Variants in CTRB2 observed in about 807,000 individuals in gnomAD.
CTRB2 encodes the protein chymotrypsin B2.
Under a neutral mutation model 19.3 loss-of-function variants are expected in CTRB2, and 9 were observed. The observed-to-expected ratio is 0.47, with a 90% CI of 0.28 to 0.81. The LOEUF (loss-of-function observed/expected upper bound fraction) is 0.81, where lower values mean the gene tolerates loss of function less well. Among genes scored for constraint, CTRB2 ranks in the 40% least tolerant of loss-of-function variants. CTRB2 has a pLI of 0.11. For missense variants in CTRB2, 210 were observed against 269.7 expected, an observed-to-expected ratio of 0.78 and a Z score of 1.55; for synonymous variants, 98 against 117.3, an observed-to-expected ratio of 0.84 and a Z score of 1.06.
At chr16:75,204,709 G>A (rs1426019425) in intron 6 of CTRB2, 64 bp downstream of exon 6, 3 of 1,536,516 alleles carry the variant, frequency 2.0e-6, no homozygotes, top group Non-Finnish European at 2.6e-6. Context: ...AGAGAGGGGT[G>A]GAAAGCCCAG....
chr16:75,204,290 C>A lies in CTRB2; in HGVS notation c.663G>T (p.Lys221Asn), dbSNP rs978345244. ...TGCCCACCAGGGTCCAGGCTCCGTC[C>A]TTCTGGCAGACCAGGGGGCCTCCAG... ...GDSGGPLVCQKDGAWTLVGIV... is the reference protein window; with the variant it reads ...GDSGGPLVCQNDGAWTLVGIV... The change falls in exon 7 of 7, where the codon AAG (lysine) becomes AAT (asparagine). Residue 221 changes from lysine to asparagine, a missense_variant. Lys to Asn is a moderately conservative substitution (Grantham distance 94). Coordinates refer to ENST00000303037, the MANE Select transcript of CTRB2 (RefSeq NM_001025200.4). 2 of 1,613,998 alleles carry A rather than the reference C, an allele frequency of 1.2e-6. No homozygotes were observed. The highest frequency in any genetic ancestry group is 8.5e-7 in the Non-Finnish European group (1 of 1,180,024).
rs750306978 is a variant in CTRB2, at chr16:75,204,282, G to A, written c.671C>T (p.Ala224Val). ...GGPLVCQKDG[A>V]WTLVGIVSWG... ...GGACACAATGCCCACCAGGGTCCAG[G>A]CTCCGTCCTTCTGGCAGACCAGGGG... Residue 224 changes from alanine (A) to valine (V), a missense_variant, in exon 7 of 7, where the codon GCC becomes GTC. By Grantham distance (64) the Ala-to-Val change is moderately conservative. This residue lies in a region of CTRB2 where 120 missense variants were observed against 90.8 expected (regional missense o/e 1.32). Coordinates refer to ENST00000303037, the MANE Select transcript of CTRB2 (RefSeq NM_001025200.4). The A allele has an allele frequency of 1.9e-6, 3 of 1,614,078 alleles. No individual in the cohort carries two copies. Among genetic ancestry groups the A allele is most frequent in the Non-Finnish European group, 2.5e-6 (3 of 1,180,000 alleles).
chr16:75,206,493 C>G, intron 1 of CTRB2: 1 of 486,298 alleles, frequency 2.1e-6, no homozygotes, highest in Non-Finnish European at 3.6e-6. Flanking sequence ...TCTGGGAGGC[C>G]AGACTCTGTG....
rs760483646 is a variant in CTRB2 at position 75,204,314 on chromosome 16, A to G, written c.639T>C (p.Ser213=). The G allele has an allele frequency of 1.1e-5, 18 of 1,613,868 alleles. No homozygotes were observed. Among genetic ancestry groups the G allele is most frequent in the Non-Finnish European group, 1.2e-5 (14 of 1,179,994 alleles). The change falls in exon 7 of 7, where the codon TCT becomes TCC. Residue 213 remains serine, a synonymous_variant. Coordinates refer to ENST00000303037, the MANE Select transcript of CTRB2 (RefSeq NM_001025200.4). ...ASGVSSCMGD[S]GGPLVCQKDG... Reference sequence around the variant, plus strand: ...CCTTCTGGCAGACCAGGGGGCCTCCAGAGTCACCCTGCAGGAAGGAGAGGA... The same window carrying G: ...CCTTCTGGCAGACCAGGGGGCCTCCGGAGTCACCCTGCAGGAAGGAGAGGA...
rs1180098515 is a variant in CTRB2, at chr16:75,206,199, GGC to G, written c.53-8_53-7del. ...GATGGCGGGGACCCCGCAGCCTGGG[GGC>G]GGGAGTGGGCTGAGGGGTGGGTACC... On this transcript the variant is annotated splice_region_variant and splice_polypyrimidine_tract_variant and intron_variant, in intron 1 of 6. Transcript: ENST00000303037. The G allele has an allele frequency of 1.1e-5, 17 of 1,556,816 alleles. No individual in the cohort carries two copies. Among genetic ancestry groups the G allele is most frequent in the African/African-American group, 1.4e-5 (1 of 73,484 alleles).
intron 5 of CTRB2, 37 bp from the exon 6 acceptor site, chr16:75,204,943 ACT>A: frequency 1.3e-6 from 1 of 744,192 alleles, no homozygotes; most frequent in Non-Finnish European, 2.0e-6. Flanking sequence ...CCCTGGGCTC[ACT>A]CAGCCAAGAG....
Position 75,204,433 on chromosome 16 carries a change from T to C in CTRB2, c.631-111A>G, listed in dbSNP as rs908491677. The C allele has an allele frequency of 6.4e-6, 7 of 1,096,324 alleles. No individual in the cohort carries two copies. The African/African-American group carries it at 9.4e-5, about 15-fold the overall frequency. The allele number at this position is 1,096,324 out of a possible 1,614,324, so 67.9% of individuals were successfully genotyped here. ...TGCGGAGAAATGGTAAGCATGGGCA[T>C]AGGGGCTGTGCCGGGGTCCTGAGAT... On this transcript the variant is annotated intron_variant, in intron 6 of 6. Coordinates refer to ENST00000303037, the MANE Select transcript of CTRB2 (RefSeq NM_001025200.4).
Position 75,207,143 on chromosome 16 carries a change from G to A in CTRB2, c.-2C>T, listed in dbSNP as rs982846659. ...GGAGAGGAGCCAGAGGAAAGCCATG[G>A]TGCCGCTGGCAGGGGTGTAGGACGC... On this transcript the variant is annotated 5_prime_UTR_variant, in exon 1 of 7. Transcript: ENST00000303037. The A allele has an allele frequency of 6.4e-7, 1 of 1,557,732 alleles. No homozygotes were observed. The highest frequency in any genetic ancestry group is 2.0e-5 in the Admixed American group (1 of 51,202).
In CTRB2 at chr16:75,204,897, G is replaced by A; in HGVS notation, c.506C>T (p.Thr169Ile). The change falls in exon 6 of 7, where the codon ACC (threonine) becomes ATC (isoleucine). Residue 169 changes from threonine to isoleucine, a missense_variant. This residue lies in a region of CTRB2 where 27 missense variants were observed against 42.5 expected (regional missense o/e 0.64). Coordinates refer to ENST00000303037, the MANE Select transcript of CTRB2 (RefSeq NM_001025200.4). Reference sequence around the variant, plus strand: ...GGCTGCCTGCTGCAGCTTGTCAGGGGTCTTGTTGGCTGCAGGACAGGAGGA... The same window carrying A: ...GGCTGCCTGCTGCAGCTTGTCAGGGATCTTGTTGGCTGCAGGACAGGAGGA... ...WGKTKYNANKTPDKLQQAALP... is the reference protein window; with the variant it reads ...WGKTKYNANKIPDKLQQAALP... 9.1e-7 allele frequency: 1 copy of A among 1,097,184 alleles called. No homozygotes were observed. Among genetic ancestry groups the A allele is most frequent in the East Asian group, 2.7e-5 (1 of 37,376 alleles). The allele number at this position is 1,097,184 out of a possible 1,614,324, so 68.0% of individuals were successfully genotyped here.
At chr16:75,204,343 A>T (rs368123078) in intron 6 of CTRB2, 21 bp from the exon 7 acceptor site, 5 of 1,612,858 alleles carry the variant, frequency 3.1e-6, no homozygotes, top group Non-Finnish European at 4.2e-6. Context: ...GAGAGGAAGT[A>T]TCTCTAGGCC....
Position 75,204,821 on chromosome 16 carries a change from G to C in CTRB2, c.582C>G (p.Ile194Met), listed in dbSNP as rs753889797. The C allele has an allele frequency of 7.1e-7, 1 of 1,409,250 alleles. No individual in the cohort carries two copies. The highest frequency in any genetic ancestry group is 1.5e-5 in the African/African-American group (1 of 67,196). The allele number at this position is 1,409,250 out of a possible 1,614,324, so 87.3% of individuals were successfully genotyped here. Residue 194 changes from isoleucine (I) to methionine (M), a missense_variant, in exon 6 of 7, where the codon ATC (isoleucine) becomes ATG (methionine). Physicochemically the swap from Ile to Met is conservative, Grantham distance 10. This residue lies in a region of CTRB2 where 27 missense variants were observed against 42.5 expected (regional missense o/e 0.64). Transcript: ENST00000303037. The stretch of plus-strand genomic sequence containing the variant: ...CCCCGGCACAGATCATCACGTCGGT[G>C]ATCCTCCTGCCCCAGGACTTCTTGC... ...AECKKSWGRR[I>M]TDVMICAGAS...
Position 75,204,120 on chromosome 16 carries a change from T to C in CTRB2, c.*41A>G. 6.2e-7 allele frequency: 1 copy of C among 1,613,386 alleles called. No homozygotes were observed. The highest frequency in any genetic ancestry group is 1.7e-4 in the Middle Eastern group (1 of 6,060). Reference sequence around the variant, plus strand: ...GTCAGGGCTTCTAAACAGATGCATTTAATGGGAAATCTTAAGGCAGGGGTG... The same window carrying C: ...GTCAGGGCTTCTAAACAGATGCATTCAATGGGAAATCTTAAGGCAGGGGTG... On this transcript the variant is annotated 3_prime_UTR_variant, in exon 7 of 7. Coordinates refer to ENST00000303037, the MANE Select transcript of CTRB2 (RefSeq NM_001025200.4).
rs2038871059 is a variant in CTRB2, at chr16:75,204,470, T to G, written c.631-148A>C. ...CGGGGTCCTGAGATCTGGGTTCACA[T>G]GGCAGCCCCCACTCTGCCATGCACT... On this transcript the variant is annotated intron_variant, in intron 6 of 6. Coordinates refer to ENST00000303037, the MANE Select transcript of CTRB2 (RefSeq NM_001025200.4). 7 of 933,154 alleles carry G rather than the reference T, an allele frequency of 7.5e-6. No individual in the cohort carries two copies. In the Admixed American group the frequency reaches 1.8e-4, roughly 24 times the overall value. The allele number at this position is 933,154 out of a possible 1,614,324, so 57.8% of individuals were successfully genotyped here.
intron 6 of CTRB2, 119 bp downstream of exon 6, chr16:75,204,654 G>A (rs1321254094): frequency 4.6e-6 from 7 of 1,532,740 alleles, no homozygotes; most frequent in East Asian, 2.5e-5. Context: ...CCAAGGCCTG[G>A]CCCTCACTGG....
chr16:75,204,191 G>A lies in CTRB2; in HGVS notation c.762C>T (p.Pro254=), dbSNP rs779071927. The change falls in exon 7 of 7, where the codon CCC becomes CCT. Residue 254 remains proline (P), a synonymous_variant. Coordinates refer to ENST00000303037, the MANE Select transcript of CTRB2 (RefSeq NM_001025200.4). The part of the protein sequence containing the change: ...AVYARVAKLI[P]WVQKILAAN ...TGGCGGCCAGGATCTTCTGCACCCA[G>A]GGTATGAGCTTGGCGACACGGGCGT... is the stretch of plus-strand genomic sequence containing the variant. The A allele has an allele frequency of 3.7e-6, 6 of 1,614,038 alleles. No homozygotes were observed. Among genetic ancestry groups the A allele is most frequent in the Middle Eastern group, 1.6e-4 (1 of 6,084 alleles).
chr16:75,205,692 T>TC (rs1199933291), intron 4 of CTRB2, 50 bp downstream of exon 4: 1 of 885,718 alleles, frequency 1.1e-6, no homozygotes, highest in Non-Finnish European at 1.7e-6. Flanking sequence ...AGCCGAGGGG[T>TC]CTCCCCCCGT....
chr16:75,206,510 A>C, intron 1 of CTRB2: 2 of 450,408 alleles, frequency 4.4e-6, no homozygotes, highest in Non-Finnish European at 4.0e-6. Flanking sequence ...TGTGGGTTTG[A>C]ACCTGGCTCC....
intron 6 of CTRB2, 135 bp from the exon 7 acceptor site, chr16:75,204,457 A>G: frequency 1.0e-6 from 1 of 971,900 alleles, no homozygotes; most frequent in Non-Finnish European, 1.5e-6. Flanking sequence ...GGGTCCTGAG[A>G]TCTGGGTTCA....
chr16:75,204,629 T>G, intron 6 of CTRB2, 144 bp downstream of exon 6: 1 of 1,476,998 alleles, frequency 6.8e-7, no homozygotes, highest in Admixed American at 2.1e-5. Flanking sequence ...GGAACCCTCA[T>G]GGGCGGCTGT....
Sources: allele counts gnomAD v4.1 joint callset, GRCh38; gene constraint gnomAD v4.1.1; regional missense constraint gnomAD v4.1.1; transcripts MANE v1.5; gene names NCBI Gene and HGNC (gene_info 2026-07-23, HGNC 2026-07-21).